The following ZC3H12B variants were observed in gnomAD, a reference collection of about 807,000 sequenced individuals.
The protein encoded by ZC3H12B is zinc finger CCCH-type containing 12B.
A neutral mutation model predicts 43.9 loss-of-function variants in ZC3H12B; 7 were observed. That is an observed-to-expected ratio of 0.16 (90% CI 0.09 to 0.30). The LOEUF (loss-of-function observed/expected upper bound fraction) is 0.30. Among genes scored for constraint, ZC3H12B ranks in the 10% least tolerant of loss-of-function variants. The pLI is 1.00. For synonymous variants in ZC3H12B, 222 were observed against 241.7 expected (o/e 0.92, Z 0.76); for missense variants, 475 against 670.2 (o/e 0.71, Z 3.22).
chrX:65,190,289 T>A, the ZC3H12B span, among the ~76,000 whole-genome samples: 1 of 110,931 alleles, frequency 9.0e-6, no homozygotes, highest in Non-Finnish European at 1.9e-5. Flanking sequence ...GGGCTCTTTT[T>A]TGGTTCCATA....
chrX:65,237,875 A>C, the ZC3H12B span, among the ~76,000 whole-genome samples: 1 of 111,670 alleles, frequency 9.0e-6, no homozygotes, highest in Non-Finnish European at 1.9e-5. Flanking sequence ...TTGTTAATTA[A>C]TGTATGTTGA....
At chrX:65,215,616 T>A in the ZC3H12B span, among the ~76,000 whole-genome samples, 1 of 111,410 alleles carries the variant, frequency 9.0e-6, no homozygotes, top group Non-Finnish European at 1.9e-5. Context: ...CCACTAAAAC[T>A]TTCTCACTAA....
the ZC3H12B span, among the ~76,000 whole-genome samples, chrX:65,205,118 G>C: frequency 3.6e-5 from 4 of 112,143 alleles, no homozygotes; most frequent in East Asian, 2.8e-4. Flanking sequence ...AATATTTTCA[G>C]TTTTGATGAG....
chrX:65,155,604 G>A, the ZC3H12B span, among the ~76,000 whole-genome samples: 3 of 111,773 alleles, frequency 2.7e-5, no homozygotes, highest in Non-Finnish European at 5.6e-5. Flanking sequence ...TGTAATCCCA[G>A]CACTTTGGGA....
chrX:65,182,650 A>G, the ZC3H12B span, among the ~76,000 whole-genome samples: 1 of 110,297 alleles, frequency 9.1e-6, no homozygotes. Context: ...ATTGAAGAAA[A>G]TATTTGCAAT....
the ZC3H12B span, among the ~76,000 whole-genome samples, chrX:65,214,863 T>A: frequency 5.1e-4 from 57 of 111,537 alleles, no homozygotes; most frequent in Non-Finnish European, 1.3e-4. Flanking sequence ...ATAATAATAC[T>A]TGAAAGTTAA....
chrX:65,063,473 C>A, the ZC3H12B span, among the ~76,000 whole-genome samples: 14 of 112,164 alleles, frequency 1.2e-4, no homozygotes, highest in South Asian at 4.1e-3. Flanking sequence ...TACTGATTTG[C>A]ATATATTGAA....
the ZC3H12B span, among the ~76,000 whole-genome samples, chrX:65,348,680 A>G: frequency 0.078 from 8,328 of 106,159 alleles, 999 homozygotes; most frequent in African/African-American, 0.28. Context: ...TACCAAGCAA[A>G]TGGCAAGCAA....
At position 65,422,925 on chromosome X, in the gene ZC3H12B, C is replaced by CTTTTTTTTTTT. The variant is rs34567013; in HGVS notation, n.407+24236_407+24246dup. ...ATAAGTGCCACATTTTCTTTCTTTG[C>CTTTTTTTTTTT]TTTTTTTTTTTTTTTTTTTTTTTTT... On this transcript the variant is annotated intron_variant and non_coding_transcript_variant, in intron 3 of 5. Transcript: ENST00000617377. Among the ~76,000 whole-genome samples, 34 of 46,184 alleles carry CTTTTTTTTTTT rather than the reference C, an allele frequency of 7.4e-4. 1 individual carries two copies. The highest frequency in any genetic ancestry group is 2.9e-3 in the African/African-American group (27 of 9,422). 40.1% of individuals were successfully genotyped at this position (46,184 alleles called of 115,157 possible).
chrX:65,142,895 A>T, the ZC3H12B span, among the ~76,000 whole-genome samples: 9 of 112,334 alleles, frequency 8.0e-5, no homozygotes, highest in Admixed American at 8.5e-4. Flanking sequence ...TGTTTTGGTG[A>T]CTATGGCCAT....
intron 2 of ZC3H12B, among the ~76,000 whole-genome samples, chrX:65,382,382 G>T (rs1022238395): frequency 9.0e-6 from 1 of 110,546 alleles, no homozygotes; most frequent in Admixed American, 9.7e-5. Context: ...TGCAGAAAAG[G>T]CCTTTGACAA....
At chrX:65,471,344 T>C (rs1404879332) in intron 3 of ZC3H12B, among the ~76,000 whole-genome samples, 1 of 111,048 alleles carries the variant, frequency 9.0e-6, no homozygotes, top group Non-Finnish European at 1.9e-5. Context: ...GCTTTTAGTT[T>C]CTATTTGCAT....
At chrX:65,137,600 A>T in the ZC3H12B span, among the ~76,000 whole-genome samples, 1 of 112,247 alleles carries the variant, frequency 8.9e-6, no homozygotes, top group Non-Finnish European at 1.9e-5. Context: ...ATGGATCAAA[A>T]TCTGAATTAT....
intron 3 of ZC3H12B, 82 bp downstream of exon 8, chrX:65,499,315 C>T: frequency 1.3e-6 from 1 of 764,200 alleles, no homozygotes; most frequent in African/African-American, 2.1e-5. Context: ...CAAACACTTA[C>T]TGTGTATCAT....
the ZC3H12B span, among the ~76,000 whole-genome samples, chrX:65,317,771 T>A: frequency 1.0e-5 from 1 of 100,482 alleles, no homozygotes; most frequent in African/African-American, 3.6e-5. Flanking sequence ...ACACACACAC[T>A]ATATATATAT....
At chrX:65,156,017 A>C in the ZC3H12B span, among the ~76,000 whole-genome samples, 2 of 110,974 alleles carry the variant, frequency 1.8e-5, no homozygotes, top group Non-Finnish European at 3.8e-5. Flanking sequence ...AAAATTATTG[A>C]ATAATTAGTC....
the ZC3H12B span, among the ~76,000 whole-genome samples, chrX:65,349,951 C>T: frequency 8.9e-6 from 1 of 112,061 alleles, no homozygotes; most frequent in Non-Finnish European, 1.9e-5. Context: ...GGTACCATTC[C>T]TTCTGAAACT....
At chrX:65,399,132 T>A (rs2066735622) in intron 3 of ZC3H12B, among the ~76,000 whole-genome samples, 1 of 112,480 alleles carries the variant, frequency 8.9e-6, no homozygotes, top group African/African-American at 3.2e-5. Flanking sequence ...ATTTCTTGAG[T>A]AATACACTAT....
intron 2 of ZC3H12B, among the ~76,000 whole-genome samples, chrX:65,396,544 GAC>G: frequency 9.0e-6 from 1 of 110,663 alleles, no homozygotes; most frequent in East Asian, 2.8e-4. Context: ...TGGTCTGAGA[GAC>G]AGTTTGTTAT....
Sources: gnomAD v4.1 joint callset for allele counts (sites outside exome capture counted in the v4.1 genomes callset) on GRCh38, gnomAD v4.1.1 for gene constraint, MANE v1.5 for transcripts, NCBI Gene and HGNC (gene_info 2026-07-23, HGNC 2026-07-21) for gene names.